The following ADAMTSL1 variants were observed in gnomAD, a reference collection of about 807,000 sequenced individuals.
ADAMTSL1 encodes the protein ADAMTS like 1, also known as ADAMTS-like protein 1.
In ADAMTSL1, 126 loss-of-function variants were observed where a neutral mutation model predicts 201.8. The ratio of observed to expected loss-of-function variants is 0.62; its 90% confidence interval spans 0.54 to 0.72. The LOEUF (loss-of-function observed/expected upper bound fraction) is 0.72, where lower values mean the gene tolerates loss of function less well. ADAMTSL1 is among the 30% of genes least tolerant of loss of function. ADAMTSL1 has a pLI of 0.00. For synonymous variants in ADAMTSL1, 1,121 were observed against 903.4 expected, an observed-to-expected ratio of 1.24 and a Z score of -4.32; for missense variants, 2,679 against 2,277.8, an observed-to-expected ratio of 1.18 and a Z score of -3.59.
intron 4 of ADAMTSL1, among the ~76,000 whole-genome samples, chr9:18,584,406 T>C (rs894703835): frequency 6.6e-6 from 1 of 151,964 alleles, no homozygotes; most frequent in Admixed American, 6.6e-5. Context: ...CCAATAAACC[T>C]CTTTCTTTTG....
intron 1 of ADAMTSL1, among the ~76,000 whole-genome samples, chr9:17,929,988 T>A (rs1461701392): frequency 1.3e-5 from 2 of 152,152 alleles, no homozygotes; most frequent in Non-Finnish European, 2.9e-5. Context: ...AATGAAATAT[T>A]TTTGAGAAAA....
chr9:18,709,995 C>A (rs1046050428), intron 14 of ADAMTSL1, among the ~76,000 whole-genome samples: 1 of 152,184 alleles, frequency 6.6e-6, no homozygotes, highest in Admixed American at 6.5e-5. Context: ...CAGTGTCCTC[C>A]TGAGAGCATA....
chr9:18,324,393 G>C (rs1355473133), intron 2 of ADAMTSL1, among the ~76,000 whole-genome samples: 7 of 146,826 alleles, frequency 4.8e-5, no homozygotes, highest in Admixed American at 1.4e-4. Context: ...GTATCATTGT[G>C]AAACAGAATA....
intron 1 of ADAMTSL1, among the ~76,000 whole-genome samples, chr9:17,946,217 T>A (rs1319745836): frequency 6.6e-6 from 1 of 151,672 alleles, no homozygotes; most frequent in Non-Finnish European, 1.5e-5. Flanking sequence ...CAGGCTGGTC[T>A]CAAACTCCCG....
chr9:17,937,072 A>C (rs1166597712), intron 1 of ADAMTSL1, among the ~76,000 whole-genome samples: 1 of 152,060 alleles, frequency 6.6e-6, no homozygotes, highest in African/African-American at 2.4e-5. Flanking sequence ...ACTGTTGTCA[A>C]CCTGTCTGCT....
intron 23 of ADAMTSL1, among the ~76,000 whole-genome samples, chr9:18,884,777 G>T (rs1347381938): frequency 6.6e-6 from 1 of 152,100 alleles, no homozygotes; most frequent in Non-Finnish European, 1.5e-5. Context: ...TGCCAGTACA[G>T]TACTGTTTTG....
rs1187779796 is a variant in ADAMTSL1 at position 18,359,818 on chromosome 9, T to TCCC, written c.208-145009_208-145007dup. Among the ~76,000 whole-genome samples, 149 of 42,612 alleles carry TCCC rather than the reference T, an allele frequency of 3.5e-3. 1 individual carries two copies. The highest frequency in any genetic ancestry group is 0.013 in the Middle Eastern group (1 of 78). The allele number at this position is 42,612 out of a possible 152,430, so 28.0% of individuals were successfully genotyped here. ...CATTCAGCAGGGTTAATGCCCCACC[T>TCCC]CCCCACCCGCCCCCCCGCCCACACA... On this transcript the variant is annotated intron_variant, in intron 2 of 29. Transcript: ENST00000680146.
At chr9:18,342,526 A>G (rs1419718339) in intron 2 of ADAMTSL1, among the ~76,000 whole-genome samples, 1 of 152,164 alleles carries the variant, frequency 6.6e-6, no homozygotes, top group Non-Finnish European at 1.5e-5. Flanking sequence ...TTAGAGAATT[A>G]TATTAGAAAA....
At chr9:18,421,398 G>A (rs970771515) in intron 2 of ADAMTSL1, among the ~76,000 whole-genome samples, 4 of 152,028 alleles carry the variant, frequency 2.6e-5, no homozygotes, top group African/African-American at 7.2e-5. Flanking sequence ...GAGAAAACCA[G>A]CTCTGAAAGG....
chr9:18,091,560 A>G (rs1475087414), intron 1 of ADAMTSL1, among the ~76,000 whole-genome samples: 1 of 152,150 alleles, frequency 6.6e-6, no homozygotes, highest in African/African-American at 2.4e-5. Context: ...CACAGTGTCT[A>G]GGACACTAAG....
intron 2 of ADAMTSL1, among the ~76,000 whole-genome samples, chr9:18,274,628 A>C (rs943023264): frequency 2.0e-5 from 3 of 152,184 alleles, no homozygotes; most frequent in Non-Finnish European, 2.9e-5. Flanking sequence ...CACCAAGGTT[A>C]ATTTTTATTA....
At chr9:18,795,175 A>G (rs1424069488) in intron 19 of ADAMTSL1, among the ~76,000 whole-genome samples, 1 of 146,510 alleles carries the variant, frequency 6.8e-6, no homozygotes, top group Non-Finnish European at 1.5e-5. Context: ...ACAGGCTGCA[A>G]AGGCAATGGG....
At chr9:18,754,438 A>G (rs771916722) in intron 16 of ADAMTSL1, among the ~76,000 whole-genome samples, 12 of 152,222 alleles carry the variant, frequency 7.9e-5, no homozygotes, top group Non-Finnish European at 1.8e-4. Context: ...AGGGACAACA[A>G]AGGCCACAAA....
chr9:18,831,463 C>T (rs2131270363), intron 23 of ADAMTSL1, among the ~76,000 whole-genome samples: 1 of 152,320 alleles, frequency 6.6e-6, no homozygotes, highest in African/African-American at 2.4e-5. Context: ...TTTTGGGTCA[C>T]TCAGGTGCCA....
chr9:18,781,995 T>G (rs1156727384), intron 19 of ADAMTSL1, among the ~76,000 whole-genome samples: 4 of 152,248 alleles, frequency 2.6e-5, no homozygotes, highest in African/African-American at 4.8e-5. Flanking sequence ...TTCTCAGAAA[T>G]GCATGTCTGT....
At chr9:18,345,070 TC>T in intron 2 of ADAMTSL1, among the ~76,000 whole-genome samples, 1 of 152,266 alleles carries the variant, frequency 6.6e-6, no homozygotes, top group South Asian at 2.1e-4. Context: ...TTTGGTCTGA[TC>T]ATCCAGAGAC....
chr9:18,841,520 C>A lies in ADAMTSL1; in HGVS notation c.4249+11543C>A, dbSNP rs984729668. 2.6e-5 allele frequency among the ~76,000 whole-genome samples: 4 copies of A among 151,796 alleles called. No homozygotes were observed. In the East Asian group the frequency reaches 5.8e-4, roughly 22 times the overall value. On this transcript the variant is annotated intron_variant, in intron 23 of 28. Coordinates refer to ENST00000380548, the MANE Select transcript of ADAMTSL1 (RefSeq NM_001040272.6). The stretch of plus-strand genomic sequence containing the variant: ...TCTCTCTTTTGGTTGTGTCTCTGCC[C>A]GGCTTTGGTATCAGGATGATGCTGG...
At chr9:18,408,765 C>T (rs1818308048) in intron 2 of ADAMTSL1, among the ~76,000 whole-genome samples, 1 of 152,144 alleles carries the variant, frequency 6.6e-6, no homozygotes, top group South Asian at 2.1e-4. Context: ...TTTCTCATTA[C>T]AGCAGGCATT....
At position 18,908,505 on chromosome 9, in the gene ADAMTSL1, G is replaced by A. The variant is rs1475352498; in HGVS notation, c.5246G>A (p.Ser1749Asn). ...AAACAGCTGAAACTCTGCCAACTCA[G>A]CCAGTTTAAATCTCGCTGCTGTGGA... The part of the protein sequence containing the change: ...KVKQLKLCQL[S>N]QFKSRCCGTC... Residue 1749 changes from serine (S) to asparagine (N), a missense_variant, in exon 29 of 29, where the codon AGC (serine) becomes AAC (asparagine). By Grantham distance (46) the Ser-to-Asn change is conservative. Coordinates refer to ENST00000380548, the MANE Select transcript of ADAMTSL1 (RefSeq NM_001040272.6). 1.3e-6 allele frequency: 2 copies of A among 1,564,130 alleles called. No individual in the cohort carries two copies. The highest frequency in any genetic ancestry group is 8.7e-7 in the Non-Finnish European group (1 of 1,154,282).
Sources: gnomAD v4.1 joint callset for allele counts (sites outside exome capture counted in the v4.1 genomes callset) on GRCh38, gnomAD v4.1.1 for gene constraint, MANE v1.5 for transcripts, NCBI Gene and HGNC (gene_info 2026-07-23, HGNC 2026-07-21) for gene names.